KHDRBS2: variants seen among roughly 807,000 people sequenced by gnomAD.
KHDRBS2 encodes the protein KH domain-containing, RNA-binding, signal transduction-associated protein 2.
Under a neutral mutation model 44.3 loss-of-function variants are expected in KHDRBS2, and 26 were observed. That is an observed-to-expected ratio of 0.59 (90% confidence interval 0.43 to 0.81). KHDRBS2 has a LOEUF of 0.81. Among genes scored for constraint, KHDRBS2 ranks in the 40% least tolerant of loss-of-function variants. The pLI is 0.00. For synonymous variants in KHDRBS2, 194 were observed against 151.1 expected, an observed-to-expected ratio of 1.28 and a Z score of -2.08; for missense variants, 476 against 433.1, an observed-to-expected ratio of 1.10 and a Z score of -0.88.
At chr6:61,672,752 T>C in the KHDRBS2 span, among the ~76,000 whole-genome samples, 1 of 151,366 alleles carries the variant, frequency 6.6e-6, no homozygotes, top group Non-Finnish European at 1.5e-5. Context: ...ATTAGCCCTT[T>C]GTCAGATGAG....
Position 61,680,778 on chromosome 6 carries a change from G to A in KHDRBS2, c.*185C>T, listed in dbSNP as rs1365296096. On this transcript the variant is annotated 3_prime_UTR_variant, in exon 9 of 9. Transcript: ENST00000281156. ...CAGTCTGTTTTGTAAAATAATACTA[G>A]TGTCAATGTCACGCCAACAGTACAG... 1 of 463,806 alleles carries A rather than the reference G, an allele frequency of 2.2e-6. No individual in the cohort carries two copies. The highest frequency in any genetic ancestry group is 2.0e-5 in the African/African-American group (1 of 50,548). 28.7% of individuals were successfully genotyped at this position (463,806 alleles called of 1,614,324 possible).
At chr6:61,803,911 C>T (rs1326526927) in intron 6 of KHDRBS2, among the ~76,000 whole-genome samples, 1 of 152,080 alleles carries the variant, frequency 6.6e-6, no homozygotes, top group Non-Finnish European at 1.5e-5. Context: ...CCTACCCCAA[C>T]ATATGGAGAT....
At chr6:61,590,942 G>A in the KHDRBS2 span, among the ~76,000 whole-genome samples, 1 of 152,160 alleles carries the variant, frequency 6.6e-6, no homozygotes, top group East Asian at 1.9e-4. Flanking sequence ...ACAGATTAAT[G>A]TTTCAAACCA....
chr6:61,755,093 C>G (rs1307820762), intron 6 of KHDRBS2, among the ~76,000 whole-genome samples: 1 of 152,098 alleles, frequency 6.6e-6, no homozygotes, highest in Non-Finnish European at 1.5e-5. Flanking sequence ...AGTTTCTTCT[C>G]TGAACAGTTT....
chr6:62,069,213 A>G (rs534256477), intron 2 of KHDRBS2, among the ~76,000 whole-genome samples: 1 of 151,746 alleles, frequency 6.6e-6, no homozygotes, highest in South Asian at 2.1e-4. Context: ...ATAACTAGAC[A>G]GTTGATTAAC....
chr6:61,891,220 A>C (rs1038761941), intron 6 of KHDRBS2, among the ~76,000 whole-genome samples: 1 of 152,186 alleles, frequency 6.6e-6, no homozygotes, highest in Non-Finnish European at 1.5e-5. Context: ...GGAGAGGTTA[A>C]AGGCAAAATA....
rs559763491 is a variant in KHDRBS2, at chr6:62,071,286, A to C, written c.220-23292T>G. 7.2e-3 allele frequency among the ~76,000 whole-genome samples: 1,094 copies of C among 152,190 alleles called. 11 individuals are homozygous for C. The highest frequency in any genetic ancestry group is 0.025 in the African/African-American group (1,026 of 41,538). On this transcript the variant is annotated intron_variant, in intron 2 of 8. Transcript: ENST00000281156. ...TTGCAAAAATTTTCTCCCATTCTGT[A>C]GGTTGCCTGTTCACTCTGATGGTAG...
intron 2 of KHDRBS2, among the ~76,000 whole-genome samples, chr6:62,089,874 G>A (rs1799170643): frequency 1.3e-5 from 2 of 152,160 alleles, no homozygotes; most frequent in African/African-American, 4.8e-5. Flanking sequence ...AAGATGTAGA[G>A]CCACTCTAGG....
intron 2 of KHDRBS2, among the ~76,000 whole-genome samples, chr6:62,115,188 T>G (rs188239568): frequency 6.6e-6 from 1 of 152,192 alleles, no homozygotes; most frequent in Non-Finnish European, 1.5e-5. Flanking sequence ...AAGTCAGTTT[T>G]ACCCCAAAAG....
At chr6:61,576,943 G>T in the KHDRBS2 span, among the ~76,000 whole-genome samples, 1 of 152,054 alleles carries the variant, frequency 6.6e-6, no homozygotes, top group East Asian at 1.9e-4. Flanking sequence ...ACTGTACATT[G>T]TTGCCTGATT....
chr6:62,174,278 G>C (rs1165939062), intron 2 of KHDRBS2, among the ~76,000 whole-genome samples: 1 of 151,062 alleles, frequency 6.6e-6, no homozygotes, highest in African/African-American at 2.4e-5. Flanking sequence ...TCAAAGCTAA[G>C]AATCATATCA....
At chr6:62,156,065 A>G (rs530213502) in intron 2 of KHDRBS2, among the ~76,000 whole-genome samples, 1 of 152,316 alleles carries the variant, frequency 6.6e-6, no homozygotes, top group East Asian at 1.9e-4. Flanking sequence ...ACATTTCCCC[A>G]TACATTTTCC....
chr6:61,558,037 C>A, the KHDRBS2 span, among the ~76,000 whole-genome samples: 49 of 152,034 alleles, frequency 3.2e-4, no homozygotes, highest in Non-Finnish European at 1.0e-4. Flanking sequence ...CTTAGTCTGG[C>A]TAAAGAGTTA....
intron 1 of KHDRBS2, among the ~76,000 whole-genome samples, chr6:62,196,842 C>G (rs1442695072): frequency 6.6e-6 from 1 of 152,020 alleles, no homozygotes; most frequent in African/African-American, 2.4e-5. Flanking sequence ...TCGACATGCT[C>G]ACACCTGGGC....
At chr6:61,700,400 A>G (rs1328896745) in intron 7 of KHDRBS2, among the ~76,000 whole-genome samples, 1 of 149,786 alleles carries the variant, frequency 6.7e-6, no homozygotes, top group Non-Finnish European at 1.5e-5. Context: ...AACTTTCAGA[A>G]CTCTAAACAA....
chr6:61,954,380 C>CATACATATATACGTATGT (rs1562509432), intron 4 of KHDRBS2, among the ~76,000 whole-genome samples: 2 of 36,268 alleles, frequency 5.5e-5, no homozygotes, highest in African/African-American at 1.6e-4. Context: ...CGTATGTATG[C>CATACATATATACGTATGT]ATGCATACAT....
chr6:62,076,407 T>G (rs1796343728), intron 2 of KHDRBS2, among the ~76,000 whole-genome samples: 1 of 151,970 alleles, frequency 6.6e-6, no homozygotes. Flanking sequence ...GAAGAGATTG[T>G]GATGTTGGGA....
At chr6:62,180,534 A>C (rs2150125292) in intron 1 of KHDRBS2, among the ~76,000 whole-genome samples, 1 of 152,022 alleles carries the variant, frequency 6.6e-6, no homozygotes, top group African/African-American at 2.4e-5. Context: ...TTGATGAAAT[A>C]AATCAAAGGA....
At chr6:61,601,408 A>AATCTAAGC in the KHDRBS2 span, among the ~76,000 whole-genome samples, 1 of 152,012 alleles carries the variant, frequency 6.6e-6, no homozygotes, top group African/African-American at 2.4e-5. Context: ...TCTGACTTAA[A>AATCTAAGC]ATCTAAGCAT....
Sources: gnomAD v4.1 joint callset for allele counts (sites outside exome capture counted in the v4.1 genomes callset) on GRCh38, gnomAD v4.1.1 for gene constraint, MANE v1.5 for transcripts, NCBI Gene and HGNC (gene_info 2026-07-23, HGNC 2026-07-21) for gene names.